The following DDX1 variants were observed in gnomAD, a reference collection of about 807,000 sequenced individuals.
The protein encoded by DDX1 is ATP-dependent RNA helicase DDX1.
A neutral mutation model predicts 108.7 loss-of-function variants in DDX1; 28 were observed. That is an observed-to-expected ratio of 0.26 (90% CI 0.19 to 0.35). The LOEUF (loss-of-function observed/expected upper bound fraction) is 0.35. Among genes scored for constraint, DDX1 ranks in the 10% least tolerant of loss-of-function variants. The pLI is 1.00. For synonymous variants in DDX1, 295 were observed against 288.9 expected, an observed-to-expected ratio of 1.02 and a Z score of -0.21; for missense variants, 710 against 884.5, an observed-to-expected ratio of 0.80 and a Z score of 2.50.
Position 15,595,285 on chromosome 2 carries a change from A to C in DDX1, c.68+89A>C, listed in dbSNP as rs540300727. On this transcript the variant is annotated intron_variant, in intron 2 of 25. Coordinates refer to ENST00000233084, the MANE Select transcript of DDX1 (RefSeq NM_004939.3). ...GATTTTATCAAATATTTTTGTGTCT[A>C]GTTGGGTAAGTGAAAATCAGGTTTT... 1.6e-4 allele frequency: 193 copies of C among 1,194,448 alleles called. 1 individual carries two copies. In the East Asian group the frequency reaches 2.5e-3, roughly 16 times the overall value. 74.0% of individuals were successfully genotyped at this position (1,194,448 alleles called of 1,614,324 possible). A position where few individuals can be genotyped will look rare whatever the true frequency, so the allele number is the denominator to read the frequency against.
intron 23 of DDX1, 67 bp downstream of exon 23, chr2:15,628,906 C>T: frequency 2.0e-6 from 3 of 1,465,574 alleles, no homozygotes; most frequent in Non-Finnish European, 2.9e-6. Context: ...GAAATAAAAG[C>T]AGTTTGATTT....
intron 23 of DDX1, among the ~76,000 whole-genome samples, chr2:15,629,062 T>A (rs1292351725): frequency 6.6e-6 from 1 of 152,192 alleles, no homozygotes; most frequent in Non-Finnish European, 1.5e-5. Context: ...ACTAGCTTTA[T>A]TGTACTCATT....
rs1009005522 is a variant in DDX1 at position 15,623,559 on chromosome 2, A to G, written c.1571A>G (p.Gln524Arg). 4.3e-6 allele frequency: 7 copies of G among 1,613,452 alleles called. No homozygotes were observed. The highest frequency in any genetic ancestry group is 5.1e-6 in the Non-Finnish European group (6 of 1,179,620). ...RTKIDCDNLE[Q>R]YFIQQGGGPD... ...AAAATTGACTGTGATAACTTGGAGC[A>G]GTACTTTATACAACAAGGAGGAGGT... is the stretch of plus-strand genomic sequence containing the variant. Residue 524 changes from glutamine to arginine, a missense_variant, in exon 19 of 26, where the codon CAG becomes CGG. Around this residue, in one of 3 missense-constraint regions of DDX1, gnomAD observed 661 missense variants for 810.2 expected, o/e 0.82. Transcript: ENST00000233084.
At chr2:15,613,182 AAT>A in intron 13 of DDX1, 40 bp from the exon 14 acceptor site, 2 of 1,255,974 alleles carry the variant, frequency 1.6e-6, no homozygotes, top group Non-Finnish European at 2.2e-6. Flanking sequence ...AGCAGACTTT[AAT>A]TTTTTTTTTT....
intron 13 of DDX1, 84 bp downstream of exon 13, chr2:15,607,397 G>A: frequency 3.0e-6 from 4 of 1,311,630 alleles, no homozygotes; most frequent in Non-Finnish European, 4.3e-6. Flanking sequence ...GAAAAATGAA[G>A]TAGAAATTCA....
intron 23 of DDX1, 51 bp downstream of exon 23, chr2:15,628,890 A>G (rs1666145502): frequency 1.3e-6 from 2 of 1,536,062 alleles, no homozygotes; most frequent in Non-Finnish European, 1.8e-6. Flanking sequence ...GTGATTTTAG[A>G]TGTTGGAAAT....
At position 15,591,947 on chromosome 2, in the gene DDX1, C is replaced by T. The variant is rs1406348283; in HGVS notation, c.14C>T (p.Ser5Phe). Residue 5 changes from serine to phenylalanine, a missense_variant and splice_region_variant, in exon 1 of 26, where the codon TCC becomes TTC. Physicochemically the swap from Ser to Phe is radical, Grantham distance 155. This residue lies in a region of DDX1 where 48 missense variants were observed against 57.5 expected (regional missense o/e 0.83). Coordinates refer to ENST00000233084, the MANE Select transcript of DDX1 (RefSeq NM_004939.3). MAAF[S>F]EMGVMPEIAQ... Reference sequence around the variant, plus strand: ...GACGGGGTGAAGATGGCGGCCTTCTCCGGTGCGTTTGTGGAAACTCTGGGG... The same window carrying T: ...GACGGGGTGAAGATGGCGGCCTTCTTCGGTGCGTTTGTGGAAACTCTGGGG... 4.9e-6 allele frequency: 7 copies of T among 1,434,024 alleles called. No individual in the cohort carries two copies. The South Asian group carries it at 5.9e-5, about 12-fold the overall frequency. The allele number at this position is 1,434,024 out of a possible 1,614,324, so 88.8% of individuals were successfully genotyped here.
intron 15 of DDX1, 55 bp from the exon 16 acceptor site, chr2:15,618,126 T>TAA (rs1226752368): frequency 2.8e-6 from 3 of 1,088,040 alleles, no homozygotes; most frequent in Non-Finnish European, 4.0e-6. Flanking sequence ...GATTAAAACT[T>TAA]ACGTTTTTTT....
At chr2:15,607,561 C>G (rs1249108686) in intron 13 of DDX1, among the ~76,000 whole-genome samples, 4 of 151,754 alleles carry the variant, frequency 2.6e-5, no homozygotes, top group Admixed American at 2.6e-4. Context: ...CATGGTTAGT[C>G]AAACAGCATT....
chr2:15,612,068 G>A (rs1665776514), intron 13 of DDX1, among the ~76,000 whole-genome samples: 1 of 3,760 alleles, frequency 2.7e-4, no homozygotes, highest in Non-Finnish European at 7.3e-4. Context: ...CCTCCCGGAG[G>A]GGGCGGCTGG....
intron 13 of DDX1, 58 bp from the exon 14 acceptor site, chr2:15,613,166 A>T: frequency 1.7e-6 from 2 of 1,199,368 alleles, no homozygotes; most frequent in Non-Finnish European, 2.3e-6. Context: ...AGATCAAACA[A>T]TGTAAAGCAG....
chr2:15,605,985 C>T lies in DDX1; in HGVS notation c.661C>T (p.His221Tyr). 6.3e-7 allele frequency: 1 copy of T among 1,585,438 alleles called. No individual in the cohort carries two copies. The highest frequency in any genetic ancestry group is 8.5e-7 in the Non-Finnish European group (1 of 1,170,504). Residue 221 changes from histidine to tyrosine, a missense_variant, in exon 11 of 26, where the codon CAT becomes TAT. His to Tyr is a moderately conservative substitution (Grantham distance 83). Around this residue, in one of 3 missense-constraint regions of DDX1, gnomAD observed 661 missense variants for 810.2 expected, o/e 0.82. Coordinates refer to ENST00000233084, the MANE Select transcript of DDX1 (RefSeq NM_004939.3). ...TGGTCTGGCATTTGAAATACCACCA[C>T]ATATGAAAAACCAAGCCCTCTTTCC... Reference protein sequence around the residue: ...DLGLAFEIPPHMKNQALFPAC... With the variant: ...DLGLAFEIPPYMKNQALFPAC...
intron 13 of DDX1, among the ~76,000 whole-genome samples, chr2:15,611,339 C>T (rs555333317): frequency 3.8e-4 from 58 of 151,968 alleles, no homozygotes; most frequent in African/African-American, 1.3e-3. Context: ...CCACCTCTCC[C>T]CACTTTCTAC....
At chr2:15,623,714 T>A (rs567242395) in intron 19 of DDX1, 132 bp downstream of exon 19, 1 of 708,662 alleles carries the variant, frequency 1.4e-6, no homozygotes, top group African/African-American at 1.8e-5. Context: ...GTATCTATGC[T>A]TATTCAGTAC....
At chr2:15,592,929 G>C (rs1468263170) in intron 1 of DDX1, among the ~76,000 whole-genome samples, 1 of 131,712 alleles carries the variant, frequency 7.6e-6, no homozygotes, top group Admixed American at 7.9e-5. Context: ...GGGGAGAATG[G>C]GGGGGTGGGG....
chr2:15,610,096 G>C (rs1453243160), intron 13 of DDX1, among the ~76,000 whole-genome samples: 1 of 152,030 alleles, frequency 6.6e-6, no homozygotes, highest in Non-Finnish European at 1.5e-5. Context: ...CACAGTGCTT[G>C]GCTAATTTTA....
At chr2:15,611,912 GA>G (rs1665772206) in intron 13 of DDX1, among the ~76,000 whole-genome samples, 1 of 106,332 alleles carries the variant, frequency 9.4e-6, no homozygotes, top group African/African-American at 5.0e-5. Flanking sequence ...GCCGGGCGGG[GA>G]GCTGACCCCC....
intron 1 of DDX1, among the ~76,000 whole-genome samples, chr2:15,592,203 T>C (rs555646850): frequency 6.6e-6 from 1 of 152,336 alleles, no homozygotes; most frequent in South Asian, 2.1e-4. Context: ...AGTCTCCACT[T>C]GGCTTTCCTG....
chr2:15,618,124 CTT>C, intron 15 of DDX1, 55 bp from the exon 16 acceptor site: 1 of 1,071,322 alleles, frequency 9.3e-7, no homozygotes, highest in Non-Finnish European at 1.4e-6. Context: ...CTGATTAAAA[CTT>C]ACGTTTTTTT....
Sources: allele counts gnomAD v4.1 joint callset (sites outside exome capture counted in the v4.1 genomes callset), GRCh38; gene constraint gnomAD v4.1.1; regional missense constraint gnomAD v4.1.1; transcripts MANE v1.5; gene names NCBI Gene and HGNC (gene_info 2026-07-23, HGNC 2026-07-21).